CAMKMT: variants seen among roughly 807,000 people sequenced by gnomAD.
The protein encoded by CAMKMT is CaM KMT.
Under a neutral mutation model 48.0 loss-of-function variants are expected in CAMKMT, and 53 were observed. The ratio of observed to expected loss-of-function variants is 1.10; its 90% CI spans 0.89 to 1.39. The LOEUF (loss-of-function observed/expected upper bound fraction) is 1.39. Ranked by LOEUF, CAMKMT falls within the 40% of genes most tolerant of loss-of-function variation. The pLI, the probability that CAMKMT is intolerant of heterozygous loss-of-function variation, is 0.00. For synonymous variants in CAMKMT, 165 were observed against 152.3 expected, an observed-to-expected ratio of 1.08 and a Z score of -0.61; for missense variants, 428 against 402.7, an observed-to-expected ratio of 1.06 and a Z score of -0.54.
chr2:44,402,458 C>T (rs1682468103), intron 3 of CAMKMT, among the ~76,000 whole-genome samples: 1 of 150,934 alleles, frequency 6.6e-6, no homozygotes, highest in African/African-American at 2.4e-5. Context: ...TTTTATGAAA[C>T]TTGTTAATTC....
intron 7 of CAMKMT, among the ~76,000 whole-genome samples, chr2:44,731,158 T>C (rs1679059048): frequency 6.6e-6 from 1 of 152,166 alleles, no homozygotes; most frequent in Non-Finnish European, 1.5e-5. Flanking sequence ...CTGGCCAACA[T>C]GGCGAAACCC....
intron 8 of CAMKMT, among the ~76,000 whole-genome samples, chr2:44,753,563 T>C (rs1680245905): frequency 6.6e-6 from 1 of 152,228 alleles, no homozygotes; most frequent in South Asian, 2.1e-4. Flanking sequence ...AAGTCAGACG[T>C]TGAATCTAAC....
At chr2:44,740,613 T>C (rs553457901) in intron 7 of CAMKMT, among the ~76,000 whole-genome samples, 53 of 152,250 alleles carry the variant, frequency 3.5e-4, no homozygotes, top group Non-Finnish European at 5.7e-4. Flanking sequence ...AAGAGTCCAC[T>C]TGAGGTTCAT....
chr2:44,689,227 T>C (rs1308078765), intron 3 of CAMKMT, among the ~76,000 whole-genome samples: 1 of 152,132 alleles, frequency 6.6e-6, no homozygotes, highest in Non-Finnish European at 1.5e-5. Flanking sequence ...ACATTGCTGC[T>C]CTTACGTGCC....
At chr2:44,382,157 A>G (rs1085493) in intron 2 of CAMKMT, among the ~76,000 whole-genome samples, 105,768 of 151,794 alleles carry the variant, frequency 0.7, 37,473 homozygotes, top group Middle Eastern at 0.81. Context: ...GGCCAGGCTG[A>G]TCTTGAACTC....
intron 3 of CAMKMT, among the ~76,000 whole-genome samples, chr2:44,450,922 T>C (rs1295539799): frequency 2.0e-5 from 3 of 152,144 alleles, no homozygotes; most frequent in African/African-American, 4.8e-5. Context: ...GCTTTGCCTA[T>C]TGTTTTCCAA....
chr2:44,406,222 A>G (rs1254967240), intron 3 of CAMKMT, among the ~76,000 whole-genome samples: 3 of 152,094 alleles, frequency 2.0e-5, no homozygotes, highest in Non-Finnish European at 4.4e-5. Flanking sequence ...TCTGCTTTCA[A>G]TTATAGCATT....
intron 3 of CAMKMT, among the ~76,000 whole-genome samples, chr2:44,406,533 TTTG>T (rs1682791120): frequency 6.6e-6 from 1 of 152,142 alleles, no homozygotes; most frequent in African/African-American, 2.4e-5. Context: ...GTTTATCTTT[TTTG>T]TTGTTGTTGT....
chr2:44,742,803 G>A (rs1388255219), intron 7 of CAMKMT, among the ~76,000 whole-genome samples: 1 of 151,986 alleles, frequency 6.6e-6, no homozygotes, highest in African/African-American at 2.4e-5. Flanking sequence ...AACTGGGCAG[G>A]GTAGGACATG....
intron 3 of CAMKMT, among the ~76,000 whole-genome samples, chr2:44,472,967 C>T (rs981098669): frequency 3.3e-5 from 5 of 152,274 alleles, no homozygotes; most frequent in South Asian, 2.1e-4. Flanking sequence ...CAGTTACCAG[C>T]GTGAGGAATA....
chr2:44,624,808 C>T (rs1387579876), intron 3 of CAMKMT, among the ~76,000 whole-genome samples: 2 of 152,036 alleles, frequency 1.3e-5, no homozygotes, highest in African/African-American at 4.8e-5. Flanking sequence ...GTCTTTATAG[C>T]AGCATGATTT....
chr2:44,459,672 A>C (rs949653971), intron 3 of CAMKMT, among the ~76,000 whole-genome samples: 1 of 152,206 alleles, frequency 6.6e-6, no homozygotes, highest in Non-Finnish European at 1.5e-5. Context: ...TATCCCCCGC[A>C]ATAGGCTATT....
At chr2:44,679,520 C>T (rs927310172) in intron 3 of CAMKMT, among the ~76,000 whole-genome samples, 1 of 152,142 alleles carries the variant, frequency 6.6e-6, no homozygotes, top group Non-Finnish European at 1.5e-5. Context: ...AGTGCATTCT[C>T]CACGAGGGGA....
chr2:44,523,037 C>T (rs995292920), intron 3 of CAMKMT, among the ~76,000 whole-genome samples: 2 of 152,090 alleles, frequency 1.3e-5, no homozygotes, highest in African/African-American at 4.8e-5. Context: ...GTGTTAGCCT[C>T]TAGAGTACTG....
chr2:44,518,877 T>C (rs920794593), intron 3 of CAMKMT, among the ~76,000 whole-genome samples: 4 of 152,146 alleles, frequency 2.6e-5, no homozygotes, highest in African/African-American at 9.7e-5. Flanking sequence ...TGCTGAAGTG[T>C]TGAAGGTTGA....
intron 3 of CAMKMT, among the ~76,000 whole-genome samples, chr2:44,518,939 A>G (rs1393298072): frequency 6.6e-6 from 1 of 152,236 alleles, no homozygotes; most frequent in African/African-American, 2.4e-5. Flanking sequence ...GCAGTCCAGT[A>G]TATACCTACC....
At chr2:44,746,937 C>T (rs553093144) in intron 8 of CAMKMT, among the ~76,000 whole-genome samples, 7 of 152,292 alleles carry the variant, frequency 4.6e-5, no homozygotes, top group African/African-American at 1.2e-4. Flanking sequence ...ATCCAATGAA[C>T]GCTTTCATTC....
At chr2:44,603,072 A>G (rs1290018840) in intron 3 of CAMKMT, among the ~76,000 whole-genome samples, 1 of 151,928 alleles carries the variant, frequency 6.6e-6, no homozygotes, top group Non-Finnish European at 1.5e-5. Context: ...ATACACACAC[A>G]TATATATATG....
At chr2:44,763,634 G>A (rs935926458) in intron 9 of CAMKMT, among the ~76,000 whole-genome samples, 10 of 152,166 alleles carry the variant, frequency 6.6e-5, no homozygotes, top group African/African-American at 1.9e-4. Flanking sequence ...AAATAAGCCC[G>A]GCGAGGGACT....
Sources: gnomAD v4.1 joint callset for allele counts (sites outside exome capture counted in the v4.1 genomes callset) on GRCh38, gnomAD v4.1.1 for gene constraint, MANE v1.5 for transcripts, NCBI Gene and HGNC (gene_info 2026-07-23, HGNC 2026-07-21) for gene names.